The following PDE1A variants were observed in gnomAD, a reference collection of about 807,000 sequenced individuals.
PDE1A encodes the protein dual specificity calcium/calmodulin-dependent 3',5'-cyclic nucleotide phosphodiesterase 1A.
A neutral mutation model predicts 61.7 loss-of-function variants in PDE1A; 35 were observed. The observed-to-expected ratio is 0.57, with a 90% CI of 0.43 to 0.75. PDE1A has a LOEUF of 0.75. Ranked by LOEUF, PDE1A falls within the 30% of genes least tolerant of loss-of-function variation. The pLI, the probability that PDE1A is intolerant of heterozygous loss-of-function variation, is 0.00. For missense variants in PDE1A, 597 were observed against 630.6 expected (o/e 0.95, Z 0.57); for synonymous variants, 232 against 213.2 (o/e 1.09, Z -0.77).
chr2:182,369,492 G>A (rs1454214304), intron 1 of PDE1A, among the ~76,000 whole-genome samples: 1 of 152,096 alleles, frequency 6.6e-6, no homozygotes, highest in African/African-American at 2.4e-5. Flanking sequence ...TTGGAAATAA[G>A]GGGGAAACGT....
intron 2 of PDE1A, among the ~76,000 whole-genome samples, chr2:182,470,195 A>G (rs1392539965): frequency 6.6e-6 from 1 of 151,878 alleles, no homozygotes; most frequent in Non-Finnish European, 1.5e-5. Flanking sequence ...GCCAAGTGTA[A>G]TGAAATGAGG....
intron 2 of PDE1A, among the ~76,000 whole-genome samples, chr2:182,258,289 A>C (rs535288433): frequency 6.6e-6 from 1 of 152,340 alleles, no homozygotes; most frequent in South Asian, 2.1e-4. Context: ...GATTGAACTC[A>C]TGCTTGGGAT....
intron 13 of PDE1A, among the ~76,000 whole-genome samples, chr2:182,184,589 G>A (rs915618029): frequency 3.9e-5 from 6 of 152,162 alleles, no homozygotes; most frequent in Admixed American, 3.9e-4. Flanking sequence ...AAGTACTCCA[G>A]TGTGAAGAGA....
chr2:182,439,421 G>A (rs1248114166), intron 2 of PDE1A, among the ~76,000 whole-genome samples: 1 of 151,952 alleles, frequency 6.6e-6, no homozygotes, highest in Admixed American at 6.6e-5. Context: ...CAAAACTCTG[G>A]CAATTGAGGA....
intron 1 of PDE1A, among the ~76,000 whole-genome samples, chr2:182,403,270 C>T (rs1278361381): frequency 6.6e-6 from 1 of 152,142 alleles, no homozygotes; most frequent in African/African-American, 2.4e-5. Flanking sequence ...CTTGGAACCA[C>T]CCAAATTCCC....
chr2:182,384,901 G>A (rs1028081107), intron 1 of PDE1A, among the ~76,000 whole-genome samples: 1 of 152,028 alleles, frequency 6.6e-6, no homozygotes, highest in Admixed American at 6.6e-5. Flanking sequence ...TCAAAGACAA[G>A]GAGAAGACTG....
the PDE1A span, among the ~76,000 whole-genome samples, chr2:182,636,765 C>T: frequency 0.62 from 93,662 of 152,038 alleles, 29,089 homozygotes; most frequent in Admixed American, 0.71. Context: ...GATGAGGCTG[C>T]GCTCCTTACT....
At chr2:182,385,699 A>G (rs1403077820) in intron 1 of PDE1A, among the ~76,000 whole-genome samples, 2 of 151,200 alleles carry the variant, frequency 1.3e-5, no homozygotes, top group Non-Finnish European at 3.0e-5. Context: ...AAGAAAAAAG[A>G]AAGAGCTCTC....
chr2:182,532,458 T>C, the PDE1A span, among the ~76,000 whole-genome samples: 56 of 152,184 alleles, frequency 3.7e-4, no homozygotes, highest in African/African-American at 1.1e-3. Context: ...ATTCCGATTA[T>C]ATGAAATGCA....
chr2:182,294,643 C>T (rs1036171491), intron 1 of PDE1A, among the ~76,000 whole-genome samples: 8 of 152,112 alleles, frequency 5.3e-5, no homozygotes. Flanking sequence ...ATCAGCTAAT[C>T]GGGCAAAAGG....
intron 1 of PDE1A, among the ~76,000 whole-genome samples, chr2:182,347,989 C>T (rs1221108659): frequency 6.6e-6 from 1 of 152,090 alleles, no homozygotes; most frequent in Non-Finnish European, 1.5e-5. Flanking sequence ...ATTTGTAATG[C>T]TATCCACAAA....
At chr2:182,494,689 T>C (rs923019557) in intron 2 of PDE1A, among the ~76,000 whole-genome samples, 1 of 151,648 alleles carries the variant, frequency 6.6e-6, no homozygotes, top group Non-Finnish European at 1.5e-5. Context: ...AGAATTCCAT[T>C]TTTTTTTTCA....
chr2:182,481,695 A>G (rs1687710630), intron 2 of PDE1A, among the ~76,000 whole-genome samples: 1 of 152,062 alleles, frequency 6.6e-6, no homozygotes, highest in South Asian at 2.1e-4. Context: ...AGAAAAATGA[A>G]TATGTGGGGG....
intron 2 of PDE1A, among the ~76,000 whole-genome samples, chr2:182,515,958 G>GTC (rs1690111672): frequency 1.8e-4 from 4 of 21,696 alleles, no homozygotes; most frequent in South Asian, 4.9e-3. Flanking sequence ...GTGTTTCTGT[G>GTC]TGTGTGTGTG....
intron 1 of PDE1A, among the ~76,000 whole-genome samples, chr2:182,408,919 T>C (rs1439460729): frequency 6.6e-6 from 1 of 152,196 alleles, no homozygotes; most frequent in East Asian, 1.9e-4. Context: ...GAGAGAAAAC[T>C]GATTATCGGT....
intron 1 of PDE1A, among the ~76,000 whole-genome samples, chr2:182,323,458 G>A (rs1383569217): frequency 6.6e-5 from 10 of 152,134 alleles, no homozygotes; most frequent in Admixed American, 6.6e-4. Flanking sequence ...GGAAGAGAGA[G>A]ACTATTAGGA....
chr2:182,452,508 G>C (rs1393455900), intron 2 of PDE1A, among the ~76,000 whole-genome samples: 1 of 152,036 alleles, frequency 6.6e-6, no homozygotes. Context: ...TGTTTTCTTT[G>C]TTGTTCATGA....
At chr2:182,307,515 A>G (rs1347470642) in intron 1 of PDE1A, among the ~76,000 whole-genome samples, 4 of 152,190 alleles carry the variant, frequency 2.6e-5, no homozygotes, top group Non-Finnish European at 4.4e-5. Flanking sequence ...GCTGTGAGTC[A>G]ATGAATTTCT....
At chr2:182,674,107 A>G in the PDE1A span, among the ~76,000 whole-genome samples, 1 of 151,764 alleles carries the variant, frequency 6.6e-6, no homozygotes, top group Non-Finnish European at 1.5e-5. Flanking sequence ...GGAATAGAAA[A>G]TGTATAGAAT....
Sources: allele counts gnomAD v4.1 joint callset (sites outside exome capture counted in the v4.1 genomes callset), GRCh38; gene constraint gnomAD v4.1.1; transcripts MANE v1.5; gene names NCBI Gene and HGNC (gene_info 2026-07-23, HGNC 2026-07-21).